FRAS1: variants seen among roughly 807,000 people sequenced by gnomAD.
The protein encoded by FRAS1 is Fraser extracellular matrix complex subunit 1, also known as extracellular matrix organizing protein FRAS1.
A neutral mutation model predicts 435.2 loss-of-function variants in FRAS1; 290 were observed. The ratio of observed to expected loss-of-function variants is 0.67; its 90% CI spans 0.61 to 0.73. FRAS1 has a LOEUF of 0.73. Among genes scored for constraint, FRAS1 ranks in the 30% least tolerant of loss-of-function variants. The pLI is 0.00. For synonymous variants in FRAS1, 1,800 were observed against 1,851.0 expected, an observed-to-expected ratio of 0.97 and a Z score of 0.71; for missense variants, 4,860 against 5,001.5, an observed-to-expected ratio of 0.97 and a Z score of 0.85.
chr4:78,246,792 A>G (rs72864514), intron 4 of FRAS1, among the ~76,000 whole-genome samples: 10 of 152,302 alleles, frequency 6.6e-5, no homozygotes, highest in African/African-American at 2.2e-4. Context: ...TACCAGGGAC[A>G]TGGGAGATCA....
At chr4:78,131,361 A>G (rs1719671248) in intron 2 of FRAS1, among the ~76,000 whole-genome samples, 1 of 152,164 alleles carries the variant, frequency 6.6e-6, no homozygotes, top group African/African-American at 2.4e-5. Context: ...GCTTTCCTTG[A>G]GACTCCTCCA....
intron 58 of FRAS1, among the ~76,000 whole-genome samples, chr4:78,484,200 A>T (rs752917881): frequency 6.6e-6 from 1 of 152,170 alleles, no homozygotes; most frequent in Non-Finnish European, 1.5e-5. Flanking sequence ...TTTGAGACTC[A>T]TTCATGTTAT....
intron 2 of FRAS1, among the ~76,000 whole-genome samples, chr4:78,124,005 A>T (rs1295136857): frequency 1.3e-5 from 2 of 152,182 alleles, no homozygotes; most frequent in Admixed American, 1.3e-4. Flanking sequence ...CAGAACTTCC[A>T]ATACTATGTT....
At chr4:78,300,091 G>A (rs981124630) in intron 14 of FRAS1, among the ~76,000 whole-genome samples, 5 of 152,130 alleles carry the variant, frequency 3.3e-5, no homozygotes, top group South Asian at 2.1e-4. Flanking sequence ...ATGAACAGTC[G>A]TTGACTCTTC....
intron 58 of FRAS1, among the ~76,000 whole-genome samples, chr4:78,484,972 A>C (rs768202981): frequency 6.6e-6 from 1 of 152,246 alleles, no homozygotes; most frequent in Non-Finnish European, 1.5e-5. Flanking sequence ...AAATTCAGCT[A>C]TACGTTTTAT....
At chr4:78,153,933 C>T (rs1186410721) in intron 2 of FRAS1, among the ~76,000 whole-genome samples, 1 of 151,996 alleles carries the variant, frequency 6.6e-6, no homozygotes, top group Non-Finnish European at 1.5e-5. Context: ...ATGTCTCTTG[C>T]CCAACTAGAT....
At chr4:78,328,240 G>T (rs1257713199) in intron 18 of FRAS1, among the ~76,000 whole-genome samples, 1 of 152,192 alleles carries the variant, frequency 6.6e-6, no homozygotes, top group Admixed American at 6.5e-5. Flanking sequence ...CAAATGAAAT[G>T]AAATGTTTGT....
intron 15 of FRAS1, among the ~76,000 whole-genome samples, chr4:78,308,910 C>T (rs1464736854): frequency 1.3e-5 from 2 of 152,228 alleles, no homozygotes; most frequent in Non-Finnish European, 2.9e-5. Context: ...TGCCCTTGTC[C>T]TAATCCGTGG....
chr4:78,491,176 ACCAAAAAAAGC>A (rs781774184), intron 59 of FRAS1, among the ~76,000 whole-genome samples: 11 of 152,154 alleles, frequency 7.2e-5, no homozygotes, highest in Non-Finnish European at 1.6e-4. Context: ...TAGCCTACCA[ACCAAAAAAAGC>A]CCAGGACCAG....
chr4:78,530,259 G>A (rs1041260857), intron 70 of FRAS1, among the ~76,000 whole-genome samples: 1 of 152,104 alleles, frequency 6.6e-6, no homozygotes, highest in Non-Finnish European at 1.5e-5. Context: ...AAAGGATCAA[G>A]GAGGACACCA....
intron 55 of FRAS1, among the ~76,000 whole-genome samples, chr4:78,478,721 G>C (rs903146710): frequency 3.3e-5 from 5 of 152,070 alleles, no homozygotes; most frequent in Admixed American, 2.6e-4. Context: ...GATGATTTTG[G>C]GTTTCTTTCT....
chr4:78,439,003 C>T lies in FRAS1; in HGVS notation c.5468C>T (p.Thr1823Ile). The T allele has an allele frequency of 6.2e-7, 1 of 1,613,206 alleles. No individual in the cohort carries two copies. Among genetic ancestry groups the T allele is most frequent in the Non-Finnish European group, 8.5e-7 (1 of 1,179,382 alleles). ...DHNHLDNQIF[T>I]IMITPAENPP... ...AACCATCTGGATAATCAGATATTTACCATCATGATCACTCCTGCTGAAAAT... is the reference window on the plus strand; with the variant it reads ...AACCATCTGGATAATCAGATATTTATCATCATGATCACTCCTGCTGAAAAT... The change falls in exon 40 of 74, where the codon ACC becomes ATC. Residue 1823 changes from threonine to isoleucine, a missense_variant. Physicochemically the swap from Thr to Ile is moderately conservative, Grantham distance 89. Coordinates refer to ENST00000512123, the MANE Select transcript of FRAS1 (RefSeq NM_025074.7).
At chr4:78,509,602 C>T (rs1032909060) in intron 63 of FRAS1, among the ~76,000 whole-genome samples, 1 of 152,164 alleles carries the variant, frequency 6.6e-6, no homozygotes, top group East Asian at 1.9e-4. Context: ...CTATGGGAGG[C>T]CATGAAAAGA....
At chr4:78,455,420 A>AGGGGG (rs148293537) in intron 47 of FRAS1, among the ~76,000 whole-genome samples, 6 of 149,110 alleles carry the variant, frequency 4.0e-5, no homozygotes, top group African/African-American at 1.5e-4. Context: ...GGAGTTGAGG[A>AGGGGG]GGGAGGGGGT....
At chr4:78,165,964 T>TA (rs1243453859) in intron 2 of FRAS1, among the ~76,000 whole-genome samples, 1 of 152,048 alleles carries the variant, frequency 6.6e-6, no homozygotes, top group Non-Finnish European at 1.5e-5. Flanking sequence ...GATGGGGAAA[T>TA]AGAGTCCAAA....
chr4:78,264,505 T>C, intron 6 of FRAS1, among the ~76,000 whole-genome samples: 1 of 152,216 alleles, frequency 6.6e-6, no homozygotes, highest in Non-Finnish European at 1.5e-5. Flanking sequence ...GTGAAGTAGC[T>C]TATCAAAGGA....
rs138902698 is a variant in FRAS1 at position 78,298,532 on chromosome 4, TA to T, written c.1535-9527del. Among the ~76,000 whole-genome samples, 10 of 152,206 alleles carry T rather than the reference TA, an allele frequency of 6.6e-5. No individual in the cohort carries two copies. In the South Asian group the frequency reaches 1.7e-3, roughly 25 times the overall value. The stretch of plus-strand genomic sequence containing the variant: ...TGGAACATGTCTTTTGTGTAATATA[TA>T]AAAAAACAGCAGGACCACTGTCATG... On this transcript the variant is annotated intron_variant, in intron 14 of 73. Coordinates refer to ENST00000512123, the MANE Select transcript of FRAS1 (RefSeq NM_025074.7).
intron 2 of FRAS1, among the ~76,000 whole-genome samples, chr4:78,166,611 G>A (rs947701557): frequency 6.6e-6 from 1 of 152,134 alleles, no homozygotes. Flanking sequence ...TCTCAAGAAT[G>A]TTTAGTTTTC....
chr4:78,093,115 C>G (rs552208562), intron 2 of FRAS1, among the ~76,000 whole-genome samples: 21 of 152,310 alleles, frequency 1.4e-4, no homozygotes, highest in Admixed American at 1.2e-3. Flanking sequence ...AAATTCTGAA[C>G]CCAAGTCTGT....
Sources: allele counts gnomAD v4.1 joint callset (sites outside exome capture counted in the v4.1 genomes callset), GRCh38; gene constraint gnomAD v4.1.1; transcripts MANE v1.5; gene names NCBI Gene and HGNC (gene_info 2026-07-23, HGNC 2026-07-21).